The following MPHOSPH9 variants were observed in gnomAD, a reference collection of about 807,000 sequenced individuals.
MPHOSPH9 encodes M-phase phosphoprotein 9.
MPHOSPH9 carries 88 observed loss-of-function variants against 145.5 expected under a neutral mutation model. That is an observed-to-expected ratio of 0.60 (90% CI 0.51 to 0.72). The LOEUF (loss-of-function observed/expected upper bound fraction) is 0.72. Among genes scored for constraint, MPHOSPH9 ranks in the 30% least tolerant of loss-of-function variants. MPHOSPH9 has a pLI of 0.00. For synonymous variants in MPHOSPH9, 435 were observed against 486.2 expected (o/e 0.89, Z 1.39); for missense variants, 1,238 against 1,386.6 (o/e 0.89, Z 1.70).
chr12:123,188,785 T>C (rs926774478), intron 13 of MPHOSPH9, among the ~76,000 whole-genome samples: 2 of 152,154 alleles, frequency 1.3e-5, no homozygotes, highest in African/African-American at 4.8e-5. Context: ...GAGGCAGAGG[T>C]TGCAGTGAGC....
Position 123,197,778 on chromosome 12 carries a change from T to C in MPHOSPH9, c.2025+469A>G, listed in dbSNP as rs2046032448. ...GCCTGGGCGACAGAGCGAGACTCCA[T>C]CTCAAAAAAAAGAAAAAAAAAAAAA... On this transcript the variant is annotated intron_variant, in intron 12 of 23. Coordinates refer to ENST00000606320, the MANE Select transcript of MPHOSPH9 (RefSeq NM_022782.4). Among the ~76,000 whole-genome samples the C allele has an allele frequency of 3.8e-5, 5 of 130,066 alleles. No individual in the cohort carries two copies. The South Asian group carries it at 1.2e-3, about 32-fold the overall frequency. 85.3% of individuals were successfully genotyped at this position (130,066 alleles called of 152,430 possible). A position where few individuals can be genotyped will look rare whatever the true frequency, so the allele number is the denominator to read the frequency against.
intron 5 of MPHOSPH9, among the ~76,000 whole-genome samples, chr12:123,220,054 C>A (rs1025232626): frequency 2.0e-5 from 3 of 151,396 alleles, no homozygotes; most frequent in Non-Finnish European, 4.4e-5. Flanking sequence ...ATTAGCCGGA[C>A]GTGGCGGTAC....
chr12:123,186,645 G>A (rs920091290), intron 13 of MPHOSPH9, among the ~76,000 whole-genome samples: 19 of 152,086 alleles, frequency 1.2e-4, no homozygotes, highest in African/African-American at 4.6e-4. Context: ...CACAATTATA[G>A]ATAATATGTA....
chr12:123,243,379 A>G (rs2047975847), intron 1 of MPHOSPH9, among the ~76,000 whole-genome samples: 2 of 152,160 alleles, frequency 1.3e-5, no homozygotes, highest in Non-Finnish European at 2.9e-5. Context: ...AAATACAAAA[A>G]ATTAGCCGGA....
intron 6 of MPHOSPH9, 99 bp from the exon 7 acceptor site, chr12:123,214,933 A>C: frequency 1.0e-6 from 1 of 958,834 alleles, no homozygotes; most frequent in Non-Finnish European, 1.6e-6. Context: ...GTGGGGAGAA[A>C]CCTTCAGAGG....
At chr12:123,205,316 C>T (rs996791244) in intron 8 of MPHOSPH9, among the ~76,000 whole-genome samples, 1 of 152,136 alleles carries the variant, frequency 6.6e-6, no homozygotes, top group African/African-American at 2.4e-5. Context: ...GAGGCCAAGG[C>T]GGGTGGATCA....
chr12:123,216,997 A>G (rs1200850208), intron 6 of MPHOSPH9, among the ~76,000 whole-genome samples: 1 of 28,888 alleles, frequency 3.5e-5, no homozygotes, highest in African/African-American at 4.4e-5. Flanking sequence ...TCAAAAAAAT[A>G]AATAAATAAA....
chr12:123,197,842 G>C (rs1317974088), intron 12 of MPHOSPH9, among the ~76,000 whole-genome samples: 1 of 149,034 alleles, frequency 6.7e-6, no homozygotes, highest in Non-Finnish European at 1.5e-5. Context: ...CCAGCACTTT[G>C]GGAGGCCGAG....
chr12:123,233,537 C>T (rs1343536019), upstream of MPHOSPH9: 1 of 152,264 alleles, frequency 6.6e-6, no homozygotes, highest in African/African-American at 2.4e-5. Flanking sequence ...ACCAGGTAAG[C>T]ATCTGCGGAG....
chr12:123,210,118 AAG>A lies in MPHOSPH9; in HGVS notation c.1130_1131del (p.Ser377PhefsTer3). The A allele has an allele frequency of 1.2e-6, 2 of 1,611,564 alleles. No individual in the cohort carries two copies. Among genetic ancestry groups the A allele is most frequent in the Non-Finnish European group, 1.7e-6 (2 of 1,178,684 alleles). ...WKLEEKDMHH[S>X]LPETLEKTFI... The stretch of plus-strand genomic sequence containing the variant: ...AACGTCTTCTCTAAAGTTTCAGGCA[AAG>A]AGTGGTGCATATCCTTTTCCTCTAG... On this transcript the variant is annotated frameshift_variant, in exon 8 of 24. Transcript: ENST00000606320. LOFTEE classifies it high-confidence loss of function.
intron 13 of MPHOSPH9, among the ~76,000 whole-genome samples, chr12:123,191,166 A>G (rs1023775130): frequency 3.3e-5 from 5 of 152,050 alleles, no homozygotes; most frequent in Non-Finnish European, 7.4e-5. Context: ...TATCAAAAAT[A>G]CAAAATTAGC....
At position 123,176,793 on chromosome 12, in the gene MPHOSPH9, AT is replaced by A. The variant is rs1206169547; in HGVS notation, c.2355-5del. On this transcript the variant is annotated splice_polypyrimidine_tract_variant and splice_region_variant and intron_variant, in intron 15 of 23. Coordinates refer to ENST00000606320, the MANE Select transcript of MPHOSPH9 (RefSeq NM_022782.4). ...AGCTTCAAGTTTTGAAATCATTCTA[AT>A]TCAAAAGCAATAAAGATAAATTAAG... 6.3e-7 allele frequency: 1 copy of A among 1,588,230 alleles called. No individual in the cohort carries two copies. The highest frequency in any genetic ancestry group is 1.3e-5 in the African/African-American group (1 of 74,340).
chr12:123,192,180 C>T (rs888938552), intron 13 of MPHOSPH9, among the ~76,000 whole-genome samples: 16 of 152,162 alleles, frequency 1.1e-4, no homozygotes, highest in Admixed American at 9.8e-4. Context: ...TGCAGTGGCA[C>T]ATGCCTGTAA....
At chr12:123,171,440 G>A (rs2044575107) in intron 16 of MPHOSPH9, among the ~76,000 whole-genome samples, 1 of 149,084 alleles carries the variant, frequency 6.7e-6, no homozygotes, top group Non-Finnish European at 1.5e-5. Flanking sequence ...GTGACAGAGC[G>A]AGACTTTGTC....
chr12:123,242,114 T>C (rs2047949306), intron 1 of MPHOSPH9, among the ~76,000 whole-genome samples: 1 of 152,252 alleles, frequency 6.6e-6, no homozygotes, highest in Non-Finnish European at 1.5e-5. Flanking sequence ...CACAAATTAA[T>C]GTTCCCTTTT....
At chr12:123,165,718 A>G (rs2044290489) in intron 17 of MPHOSPH9, 1 of 385,898 alleles carries the variant, frequency 2.6e-6, no homozygotes, top group Non-Finnish European at 4.7e-6. Flanking sequence ...CACACACACC[A>G]AGGAAAGGCC....
Position 123,194,473 on chromosome 12 carries a change from T to A in MPHOSPH9, c.2154A>T (p.Gln718His). Residue 718 changes from glutamine to histidine, a missense_variant, in exon 13 of 24, where the codon CAA (glutamine) becomes CAT (histidine). By Grantham distance (24) the Gln-to-His change is conservative. This residue lies in a region of MPHOSPH9 where 837 missense variants were observed against 897.5 expected (regional missense o/e 0.93). Transcript: ENST00000606320. The part of the protein sequence containing the change: ...NTIIRLKSRL[Q>H]DLEEAFENAY... Reference sequence around the variant, plus strand: ...CATTCTCAAATGCTTCTTCTAAATCTTGCAGTCTAGATTTTAGTCGAATGA... The same window carrying A: ...CATTCTCAAATGCTTCTTCTAAATCATGCAGTCTAGATTTTAGTCGAATGA... 1 of 1,611,990 alleles carries A rather than the reference T, an allele frequency of 6.2e-7. No homozygotes were observed. Among genetic ancestry groups the A allele is most frequent in the Non-Finnish European group, 8.5e-7 (1 of 1,179,312 alleles).
At position 123,163,939 on chromosome 12, in the gene MPHOSPH9, C is replaced by A; in HGVS notation, c.2908+11G>T. ...TTTTGAACCCAAGAGATGTACACAT[C>A]TAACTCTTACTTGGAGTACTTGATT... On this transcript the variant is annotated intron_variant, in intron 19 of 23. Coordinates refer to ENST00000606320, the MANE Select transcript of MPHOSPH9 (RefSeq NM_022782.4). 6.2e-7 allele frequency: 1 copy of A among 1,613,972 alleles called. No homozygotes were observed. Among genetic ancestry groups the A allele is most frequent in the Non-Finnish European group, 8.5e-7 (1 of 1,179,952 alleles).
intron 1 of MPHOSPH9, among the ~76,000 whole-genome samples, chr12:123,238,305 A>C (rs1318514204): frequency 6.6e-6 from 1 of 152,182 alleles, no homozygotes; most frequent in Admixed American, 6.5e-5. Flanking sequence ...TTTTCAAAGC[A>C]GCAACATTGC....
Sources: allele counts gnomAD v4.1 joint callset (sites outside exome capture counted in the v4.1 genomes callset), GRCh38; gene constraint gnomAD v4.1.1; regional missense constraint gnomAD v4.1.1; transcripts MANE v1.5; gene names NCBI Gene and HGNC (gene_info 2026-07-23, HGNC 2026-07-21).